NRG3: variants seen among roughly 807,000 people sequenced by gnomAD.
NRG3 encodes the protein pro-neuregulin-3, membrane-bound isoform.
Under a neutral mutation model 66.9 loss-of-function variants are expected in NRG3, and 31 were observed. The observed-to-expected ratio is 0.46, with a 90% CI of 0.35 to 0.63. NRG3 has a LOEUF of 0.63. Ranked by LOEUF, NRG3 falls within the 20% of genes least tolerant of loss-of-function variation. The probability of loss-of-function intolerance (pLI) is 0.00; values close to 1 mark genes in which losing one functional copy is unlikely to be tolerated. For synonymous variants in NRG3, 393 were observed against 359.4 expected (o/e 1.09, Z -1.06); for missense variants, 910 against 878.9 (o/e 1.04, Z -0.45).
At chr10:82,350,116 C>T (rs896984415) in intron 1 of NRG3, among the ~76,000 whole-genome samples, 2 of 151,924 alleles carry the variant, frequency 1.3e-5, no homozygotes, top group East Asian at 1.9e-4. Flanking sequence ...ACGGAACCCA[C>T]GAACATGAAA....
intron 1 of NRG3, among the ~76,000 whole-genome samples, chr10:81,912,089 TTC>T (rs1309220677): frequency 6.6e-6 from 1 of 152,184 alleles, no homozygotes; most frequent in African/African-American, 2.4e-5. Flanking sequence ...TTCCAGATAC[TTC>T]TTTTTCTTTT....
chr10:82,132,703 T>C (rs895238025), intron 1 of NRG3, among the ~76,000 whole-genome samples: 3 of 150,832 alleles, frequency 2.0e-5, no homozygotes, highest in African/African-American at 7.3e-5. Flanking sequence ...CGTCTGGTCT[T>C]GGGCCTTTCT....
intron 1 of NRG3, among the ~76,000 whole-genome samples, chr10:82,264,744 A>C (rs1001183746): frequency 3.3e-5 from 5 of 152,170 alleles, no homozygotes; most frequent in Non-Finnish European, 7.3e-5. Flanking sequence ...CAAGGCGGGA[A>C]AATATTTCAA....
chr10:82,037,821 A>C (rs1444798533), intron 1 of NRG3, among the ~76,000 whole-genome samples: 1 of 152,004 alleles, frequency 6.6e-6, no homozygotes, highest in African/African-American at 2.4e-5. Context: ...CTGTGTGTTC[A>C]AGAATTTGGC....
At chr10:82,408,125 A>AAGAAAG (rs776460139) in intron 2 of NRG3, among the ~76,000 whole-genome samples, 7 of 144,450 alleles carry the variant, frequency 4.8e-5, no homozygotes, top group Non-Finnish European at 7.6e-5. Context: ...GAAAGAAAGA[A>AAGAAAG]AGAAAGAAAG....
chr10:82,701,907 T>A (rs1183600372), intron 2 of NRG3, among the ~76,000 whole-genome samples: 1 of 152,198 alleles, frequency 6.6e-6, no homozygotes, highest in Non-Finnish European at 1.5e-5. Flanking sequence ...CATATAGGGA[T>A]ATATTAGAAG....
rs929486730 is a variant in NRG3, at chr10:82,321,308, G to C, written c.824-37431G>C. On this transcript the variant is annotated intron_variant, in intron 1 of 8. Coordinates refer to ENST00000372141, the MANE Select transcript of NRG3 (RefSeq NM_001010848.4). Reference sequence around the variant, plus strand: ...CACATCCTGTGGCAGGGGTGGGGGTGGGGGTCAGGGAACTCTCCTGTTTCA... The same window carrying C: ...CACATCCTGTGGCAGGGGTGGGGGTCGGGGTCAGGGAACTCTCCTGTTTCA... Among the ~76,000 whole-genome samples the C allele has an allele frequency of 8.2e-5, 9 of 110,096 alleles. 1 individual carries two copies. The highest frequency in any genetic ancestry group is 3.4e-4 in the African/African-American group (9 of 26,566). The allele number at this position is 110,096 out of a possible 152,430, so 72.2% of individuals were successfully genotyped here. A position where few individuals can be genotyped will look rare whatever the true frequency, so the allele number is the denominator to read the frequency against.
At chr10:82,650,898 T>G (rs1374948759) in intron 2 of NRG3, among the ~76,000 whole-genome samples, 1 of 152,180 alleles carries the variant, frequency 6.6e-6, no homozygotes, top group Non-Finnish European at 1.5e-5. Flanking sequence ...AGAGCCTAGA[T>G]TTTTACATTT....
At chr10:82,610,027 C>T (rs1230792611) in intron 2 of NRG3, among the ~76,000 whole-genome samples, 2 of 152,216 alleles carry the variant, frequency 1.3e-5, no homozygotes, top group Non-Finnish European at 2.9e-5. Flanking sequence ...CACTCAGCTT[C>T]CTGGCAGATT....
intron 2 of NRG3, among the ~76,000 whole-genome samples, chr10:82,598,504 G>A (rs1194471388): frequency 6.6e-6 from 1 of 152,168 alleles, no homozygotes; most frequent in East Asian, 1.9e-4. Context: ...ACATGACATT[G>A]AGAAGTCTGG....
At chr10:82,413,078 T>G (rs796397279) in intron 2 of NRG3, among the ~76,000 whole-genome samples, 18 of 152,292 alleles carry the variant, frequency 1.2e-4, no homozygotes, top group African/African-American at 4.1e-4. Flanking sequence ...ATTTTGACTA[T>G]AGATCCTTAA....
chr10:82,442,914 T>C (rs1354220459), intron 2 of NRG3, among the ~76,000 whole-genome samples: 1 of 150,338 alleles, frequency 6.7e-6, no homozygotes, highest in African/African-American at 2.5e-5. Context: ...TGTTGTAGGC[T>C]GAACGTGAAG....
At position 82,274,693 on chromosome 10, in the gene NRG3, C is replaced by T. The variant is rs969091057; in HGVS notation, c.824-84046C>T. 4.7e-4 allele frequency among the ~76,000 whole-genome samples: 71 copies of T among 151,922 alleles called. 1 individual carries two copies. The highest frequency in any genetic ancestry group is 8.8e-5 in the Non-Finnish European group (6 of 67,962). On this transcript the variant is annotated intron_variant, in intron 1 of 8. Transcript: ENST00000372141. ...TTAGGGAACTGTAACCAAGTCCAAACTGGTAATTAGTAAAAATATTAAAAA... is the reference window on the plus strand; with the variant it reads ...TTAGGGAACTGTAACCAAGTCCAAATTGGTAATTAGTAAAAATATTAAAAA...
intron 1 of NRG3, among the ~76,000 whole-genome samples, chr10:82,226,519 A>G (rs1022573509): frequency 7.2e-5 from 11 of 152,140 alleles, no homozygotes; most frequent in African/African-American, 4.8e-5. Flanking sequence ...CTAAACCTCT[A>G]TGAACCCTAA....
chr10:82,602,847 TGGAGGA>T (rs1283380317), intron 2 of NRG3, among the ~76,000 whole-genome samples: 3 of 152,186 alleles, frequency 2.0e-5, no homozygotes, highest in African/African-American at 4.8e-5. Context: ...CATTTGTTAC[TGGAGGA>T]GGCCTTTGGA....
chr10:82,419,710 C>G (rs575070360), intron 2 of NRG3, among the ~76,000 whole-genome samples: 1 of 152,072 alleles, frequency 6.6e-6, no homozygotes, highest in Non-Finnish European at 1.5e-5. Context: ...TCAAATAAAA[C>G]GTAGGAATAG....
At chr10:82,296,201 C>T (rs1007300130) in intron 1 of NRG3, among the ~76,000 whole-genome samples, 3 of 152,072 alleles carry the variant, frequency 2.0e-5, no homozygotes, top group Non-Finnish European at 2.9e-5. Context: ...TCAGTGTGGC[C>T]GCAGCTCAGA....
chr10:82,704,176 T>C (rs964276474), intron 2 of NRG3, among the ~76,000 whole-genome samples: 1 of 152,160 alleles, frequency 6.6e-6, no homozygotes, highest in Non-Finnish European at 1.5e-5. Context: ...AGCAATGCAT[T>C]GTCCATGCTG....
intron 2 of NRG3, among the ~76,000 whole-genome samples, chr10:82,383,642 A>G (rs1369504033): frequency 1.3e-5 from 2 of 152,024 alleles, no homozygotes; most frequent in Non-Finnish European, 2.9e-5. Flanking sequence ...GTTATTTGGT[A>G]AAGAGATTAA....
Sources: allele counts gnomAD v4.1 joint callset (sites outside exome capture counted in the v4.1 genomes callset), GRCh38; gene constraint gnomAD v4.1.1; transcripts MANE v1.5; gene names NCBI Gene and HGNC (gene_info 2026-07-23, HGNC 2026-07-21).